The following DIPK1A variants were observed in gnomAD, a reference collection of about 807,000 sequenced individuals.
DIPK1A encodes the protein family with sequence similarity 69 member A.
A neutral mutation model predicts 40.8 loss-of-function variants in DIPK1A; 27 were observed. The ratio of observed to expected loss-of-function variants is 0.66; its 90% CI spans 0.49 to 0.91. DIPK1A has a LOEUF of 0.91. DIPK1A is among the 40% of genes least tolerant of loss of function. DIPK1A has a pLI of 0.00. For missense variants in DIPK1A, 412 were observed against 505.7 expected (o/e 0.81, Z 1.78); for synonymous variants, 166 against 171.3 (o/e 0.97, Z 0.24).
downstream of DIPK1A, chr1:92,837,201 T>G: frequency 1.6e-6 from 1 of 634,628 alleles, no homozygotes. Flanking sequence ...GGATGACTAA[T>G]TTTGTAGTGG....
chr1:92,857,319 TG>T (rs1688017958), intron 2 of DIPK1A, among the ~76,000 whole-genome samples: 1 of 151,580 alleles, frequency 6.6e-6, no homozygotes. Flanking sequence ...TTTGTCATAT[TG>T]TTTTTTTTTT....
At chr1:92,834,149 C>T (rs924676000) in intron 4 of DIPK1A, among the ~76,000 whole-genome samples, 1 of 152,154 alleles carries the variant, frequency 6.6e-6, no homozygotes, top group African/African-American at 2.4e-5. Flanking sequence ...AGTTCTTGCC[C>T]ATCCCAATTC....
chr1:92,935,348 TTAATA>T (rs1397696539), intron 1 of DIPK1A, among the ~76,000 whole-genome samples: 1 of 152,200 alleles, frequency 6.6e-6, no homozygotes, highest in Non-Finnish European at 1.5e-5. Context: ...ATACTATATA[TTAATA>T]TAACAGTTTT....
chr1:92,894,787 A>G (rs1649083390), intron 1 of DIPK1A, among the ~76,000 whole-genome samples: 1 of 152,106 alleles, frequency 6.6e-6, no homozygotes, highest in Non-Finnish European at 1.5e-5. Flanking sequence ...AGAGAGAAGA[A>G]TCAAATAGAG....
intron 2 of DIPK1A, among the ~76,000 whole-genome samples, chr1:92,854,259 T>G (rs1157848865): frequency 6.6e-6 from 1 of 152,192 alleles, no homozygotes; most frequent in East Asian, 1.9e-4. Context: ...GCACTATACA[T>G]TTATTACCAT....
chr1:92,936,866 AACTTTT>A (rs1279368184), intron 1 of DIPK1A, among the ~76,000 whole-genome samples: 3 of 152,172 alleles, frequency 2.0e-5, no homozygotes, highest in African/African-American at 7.2e-5. Flanking sequence ...CTGTAAAAAC[AACTTTT>A]ACTTTTGCTT....
At chr1:92,835,238 T>G in intron 4 of DIPK1A, 1 of 410,424 alleles carries the variant, frequency 2.4e-6, no homozygotes, top group Non-Finnish European at 4.6e-6. Context: ...CCTTGCTACT[T>G]AGGTATACAT....
intron 4 of DIPK1A, chr1:92,836,248 A>G (rs11540843): frequency 3.1e-6 from 5 of 1,613,574 alleles, no homozygotes; most frequent in East Asian, 4.5e-5. Context: ...GTGACTGGTG[A>G]TGAATACAAT....
At chr1:92,938,468 T>TA (rs71094215) in intron 1 of DIPK1A, among the ~76,000 whole-genome samples, 38,338 of 98,336 alleles carry the variant, frequency 0.39, 6,849 homozygotes, top group Non-Finnish European at 0.42. Context: ...AGACCTTTAC[T>TA]AAAAAAAAAA....
chr1:92,878,680 C>T (rs915805407), intron 1 of DIPK1A, among the ~76,000 whole-genome samples: 1 of 152,032 alleles, frequency 6.6e-6, no homozygotes, highest in Non-Finnish European at 1.5e-5. Context: ...ATTAGCCGGG[C>T]GAGGTGGCGG....
At chr1:92,834,828 C>T in intron 4 of DIPK1A, 1 of 1,611,806 alleles carries the variant, frequency 6.2e-7, no homozygotes. Flanking sequence ...GCAGCGTATG[C>T]ACACGAACTG....
chr1:92,849,969 A>T (rs1044707529), intron 3 of DIPK1A, among the ~76,000 whole-genome samples: 7 of 150,510 alleles, frequency 4.7e-5, no homozygotes, highest in African/African-American at 1.2e-4. Flanking sequence ...GTATTTTTTT[A>T]TTTTTATTTT....
chr1:92,853,882 AT>A (rs965695290), intron 2 of DIPK1A, among the ~76,000 whole-genome samples: 102 of 151,432 alleles, frequency 6.7e-4, no homozygotes, highest in African/African-American at 2.4e-3. Flanking sequence ...ATAAAAACTG[AT>A]TTTTTTTTGT....
intron 4 of DIPK1A, chr1:92,833,216 G>C: frequency 1.5e-6 from 1 of 655,178 alleles, no homozygotes; most frequent in Non-Finnish European, 2.8e-6. Flanking sequence ...TGACATGGAA[G>C]GTAGAGGAAA....
rs150664010 is a variant in DIPK1A, at chr1:92,833,167, A to G, written c.475-133T>C. The G allele has an allele frequency of 1.2e-3, 813 of 654,034 alleles. 8 individuals are homozygous for G. The highest frequency in any genetic ancestry group is 0.012 in the African/African-American group (678 of 54,852). 40.5% of individuals were successfully genotyped at this position (654,034 alleles called of 1,614,324 possible). ...TGTTTCTTTTATTCCATATTTCTCTAAGGATTCATTTTTATTGTTTTATGA... is the reference window on the plus strand; with the variant it reads ...TGTTTCTTTTATTCCATATTTCTCTGAGGATTCATTTTTATTGTTTTATGA... On this transcript the variant is annotated intron_variant, in intron 4 of 4. Coordinates refer to the DIPK1A transcript ENST00000615519.
chr1:92,890,591 G>T (rs936156563), intron 1 of DIPK1A, among the ~76,000 whole-genome samples: 10 of 152,054 alleles, frequency 6.6e-5, no homozygotes, highest in African/African-American at 2.4e-4. Flanking sequence ...TTTTGTCTTT[G>T]GTTCTGTTAA....
chr1:92,835,142 C>T, intron 4 of DIPK1A: 1 of 595,954 alleles, frequency 1.7e-6, no homozygotes, highest in Non-Finnish European at 3.0e-6. Context: ...CACTAGCGAC[C>T]TGCAGCTGTT....
intron 2 of DIPK1A, among the ~76,000 whole-genome samples, chr1:92,861,321 CTT>C (rs71230876): frequency 1.2e-5 from 1 of 83,546 alleles, no homozygotes. Context: ...CTCTCTCTCT[CTT>C]TTTTTTTTTT....
At chr1:92,856,255 A>G (rs1687982952) in intron 2 of DIPK1A, among the ~76,000 whole-genome samples, 1 of 152,094 alleles carries the variant, frequency 6.6e-6, no homozygotes, top group Non-Finnish European at 1.5e-5. Flanking sequence ...GAAATAAACA[A>G]TTTTTCTAGA....
Sources: allele counts gnomAD v4.1 joint callset (sites outside exome capture counted in the v4.1 genomes callset), GRCh38; gene constraint gnomAD v4.1.1; transcripts MANE v1.5; gene names NCBI Gene and HGNC (gene_info 2026-07-23, HGNC 2026-07-21).